Variants in TAFA5 observed in about 807,000 individuals in gnomAD.
TAFA5 encodes the protein chemokine-like protein TAFA-5.
Under a neutral mutation model 15.3 loss-of-function variants are expected in TAFA5, and 6 were observed. That is an observed-to-expected ratio of 0.39 (90% CI 0.21 to 0.77). The LOEUF (loss-of-function observed/expected upper bound fraction) is 0.77. TAFA5 is among the 30% of genes least tolerant of loss of function. The pLI, the probability that TAFA5 is intolerant of heterozygous loss-of-function variation, is 0.41. For synonymous variants in TAFA5, 103 were observed against 80.7 expected (o/e 1.28, Z -1.48); for missense variants, 161 against 193.1 (o/e 0.83, Z 0.98).
chr22:48,599,938 A>G (rs1015417552), intron 1 of TAFA5, among the ~76,000 whole-genome samples: 3 of 152,310 alleles, frequency 2.0e-5, no homozygotes, highest in African/African-American at 7.2e-5. Context: ...CCGCTGGTCC[A>G]GCAGGAGCCT....
chr22:48,503,935 T>G (rs1920969365), intron 1 of TAFA5, among the ~76,000 whole-genome samples: 1 of 152,072 alleles, frequency 6.6e-6, no homozygotes, highest in Non-Finnish European at 1.5e-5. Flanking sequence ...CCGAGCCAGC[T>G]CAGGATTGTC....
In TAFA5 at chr22:48,561,696, G is replaced by T. The variant is rs75799903; in HGVS notation, c.112+71992G>T. Among the ~76,000 whole-genome samples, 6 of 152,336 alleles carry T rather than the reference G, an allele frequency of 3.9e-5. No individual in the cohort carries two copies. The East Asian group carries it at 7.7e-4, about 20-fold the overall frequency. On this transcript the variant is annotated intron_variant, in intron 1 of 3. Coordinates refer to ENST00000402357, the MANE Select transcript of TAFA5 (RefSeq NM_001082967.3). Reference sequence around the variant, plus strand: ...TGGAGATCCGCGATGCCCATTGGGGGTCATGGGCCACTGGCACAAACAATG... The same window carrying T: ...TGGAGATCCGCGATGCCCATTGGGGTTCATGGGCCACTGGCACAAACAATG...
chr22:48,616,855 T>G (rs1925625505), intron 1 of TAFA5, among the ~76,000 whole-genome samples: 1 of 151,550 alleles, frequency 6.6e-6, no homozygotes, highest in East Asian at 1.9e-4. Flanking sequence ...CCCCTAGGGG[T>G]TTGGTGGGCA....
intron 1 of TAFA5, among the ~76,000 whole-genome samples, chr22:48,529,881 T>G (rs948085385): frequency 6.6e-6 from 1 of 151,962 alleles, no homozygotes; most frequent in Non-Finnish European, 1.5e-5. Flanking sequence ...AAGGCACATG[T>G]GGAGGAAAAC....
intron 2 of TAFA5, among the ~76,000 whole-genome samples, chr22:48,707,423 G>T (rs945040950): frequency 5.9e-5 from 9 of 152,190 alleles, no homozygotes; most frequent in African/African-American, 1.7e-4. Flanking sequence ...CCACACTGCA[G>T]GAGGGGCCAT....
At chr22:48,545,528 T>A (rs1280506483) in intron 1 of TAFA5, 1 of 154,472 alleles carries the variant, frequency 6.5e-6, no homozygotes, top group Non-Finnish European at 1.4e-5. Context: ...CACAATCTCT[T>A]TGGAACTAGG....
intron 3 of TAFA5, among the ~76,000 whole-genome samples, chr22:48,731,747 A>T (rs1190407599): frequency 6.6e-6 from 1 of 152,196 alleles, no homozygotes; most frequent in Admixed American, 6.5e-5. Context: ...TTGACAATGC[A>T]CTTGATCACC....
At chr22:48,605,222 A>G (rs374686551) in intron 1 of TAFA5, among the ~76,000 whole-genome samples, 1,620 of 68,486 alleles carry the variant, frequency 0.024, 1 homozygote, top group South Asian at 0.044. Flanking sequence ...GATGGTGGTG[A>G]TGGTGATGGT....
At chr22:48,651,681 G>A (rs1405328293) in intron 2 of TAFA5, among the ~76,000 whole-genome samples, 2 of 152,186 alleles carry the variant, frequency 1.3e-5, no homozygotes, top group East Asian at 1.9e-4. Flanking sequence ...CGCTGAGGCC[G>A]TGGGTTTGGC....
chr22:48,594,607 C>T (rs954822631), intron 1 of TAFA5, among the ~76,000 whole-genome samples: 2 of 152,228 alleles, frequency 1.3e-5, no homozygotes, highest in African/African-American at 2.4e-5. Context: ...ATGCTCCCGT[C>T]GGCTGCCAGC....
At chr22:48,718,534 G>C (rs1054660416) in intron 3 of TAFA5, among the ~76,000 whole-genome samples, 1 of 152,030 alleles carries the variant, frequency 6.6e-6, no homozygotes, top group African/African-American at 2.4e-5. Context: ...TGCCCTGTCC[G>C]ACCCCCATTA....
intron 1 of TAFA5, chr22:48,544,335 G>A (rs968227543): frequency 3.7e-5 from 10 of 271,984 alleles, no homozygotes; most frequent in African/African-American, 1.3e-4. Context: ...CCCTCTATGG[G>A]AGGAGGCTGC....
intron 1 of TAFA5, among the ~76,000 whole-genome samples, chr22:48,511,361 TTCCTCCTCCTCC>T (rs569747187): frequency 1.3e-5 from 2 of 151,686 alleles, no homozygotes; most frequent in South Asian, 4.2e-4. Context: ...TTCCCAGAGC[TTCCTCCTCCTCC>T]TCCTCCTCCT....
intron 1 of TAFA5, among the ~76,000 whole-genome samples, chr22:48,517,084 C>T (rs1187104877): frequency 6.6e-6 from 1 of 152,182 alleles, no homozygotes; most frequent in Non-Finnish European, 1.5e-5. Flanking sequence ...ACAAAAAGCC[C>T]CGTGCCTATG....
intron 1 of TAFA5, among the ~76,000 whole-genome samples, chr22:48,595,468 G>A (rs116740773): frequency 6.6e-6 from 1 of 152,352 alleles, no homozygotes; most frequent in Non-Finnish European, 1.5e-5. Context: ...TGTTAGATCC[G>A]CAAGTGCTGC....
intron 2 of TAFA5, among the ~76,000 whole-genome samples, chr22:48,694,633 A>G (rs1928644522): frequency 6.6e-6 from 1 of 151,908 alleles, no homozygotes; most frequent in South Asian, 2.1e-4. Flanking sequence ...GCCTGTGGGT[A>G]TCTGGTACTG....
At chr22:48,642,027 G>A (rs1370161818) in intron 1 of TAFA5, among the ~76,000 whole-genome samples, 1 of 151,850 alleles carries the variant, frequency 6.6e-6, no homozygotes, top group Non-Finnish European at 1.5e-5. Context: ...CTGGCATCGT[G>A]GGTGGACCAG....
chr22:48,541,270 C>T (rs1257508660), intron 1 of TAFA5, among the ~76,000 whole-genome samples: 1 of 152,006 alleles, frequency 6.6e-6, no homozygotes, highest in Non-Finnish European at 1.5e-5. Context: ...CCCTATACCC[C>T]CTGGGACCTT....
At chr22:48,700,921 C>G (rs1928885745) in intron 2 of TAFA5, among the ~76,000 whole-genome samples, 2 of 152,188 alleles carry the variant, frequency 1.3e-5, no homozygotes, top group South Asian at 4.1e-4. Flanking sequence ...TCCTCCCATG[C>G]CATCTGCCCA....
Sources: gnomAD v4.1 joint callset for allele counts (sites outside exome capture counted in the v4.1 genomes callset) on GRCh38, gnomAD v4.1.1 for gene constraint, MANE v1.5 for transcripts, NCBI Gene and HGNC (gene_info 2026-07-23, HGNC 2026-07-21) for gene names.